The following GABPB2 variants were observed in gnomAD, a reference collection of about 807,000 sequenced individuals.
GABPB2 encodes the protein GA-binding protein subunit beta-2.
A neutral mutation model predicts 39.1 loss-of-function variants in GABPB2; 23 were observed. The observed-to-expected ratio is 0.59, with a 90% CI of 0.42 to 0.83. The LOEUF is 0.83. Ranked by LOEUF, GABPB2 falls within the 40% of genes least tolerant of loss-of-function variation. The pLI is 0.00. For missense variants in GABPB2, 467 were observed against 541.1 expected, an observed-to-expected ratio of 0.86 and a Z score of 1.36; for synonymous variants, 184 against 199.3, an observed-to-expected ratio of 0.92 and a Z score of 0.65.
intron 1 of GABPB2, among the ~76,000 whole-genome samples, chr1:151,079,999 G>C (rs956126825): frequency 6.6e-6 from 1 of 151,526 alleles, no homozygotes; most frequent in Non-Finnish European, 1.5e-5. Flanking sequence ...GGTGGATCGC[G>C]AGGTCAGGAG....
At chr1:151,084,932 C>T (rs755859679) in intron 1 of GABPB2, among the ~76,000 whole-genome samples, 1 of 151,776 alleles carries the variant, frequency 6.6e-6, no homozygotes, top group African/African-American at 2.4e-5. Flanking sequence ...TCTGTCTCTA[C>T]AAAAAATTTA....
At chr1:151,099,682 G>GGTAGT (rs1454643588) in intron 5 of GABPB2, among the ~76,000 whole-genome samples, 2 of 152,138 alleles carry the variant, frequency 1.3e-5, no homozygotes, top group African/African-American at 4.8e-5. Flanking sequence ...GATATTGAGA[G>GGTAGT]GTAGTGTGGT....
At chr1:151,093,490 C>A in intron 4 of GABPB2, 104 bp downstream of exon 4, 1 of 782,018 alleles carries the variant, frequency 1.3e-6, no homozygotes, top group Non-Finnish European at 2.0e-6. Context: ...ATTAAAGTAG[C>A]ACTTCTAATA....
rs587693075 is a variant in GABPB2 at position 151,089,514 on chromosome 1, C to T, written c.109-892C>T. Among the ~76,000 whole-genome samples, 5 of 152,258 alleles carry T rather than the reference C, an allele frequency of 3.3e-5. No individual in the cohort carries two copies. The South Asian group carries it at 6.2e-4, about 19-fold the overall frequency. ...ATACATCATTGCTAAATTTTTATTG[C>T]GTCTTCATCTCATCATTCATTTTGC... On this transcript the variant is annotated intron_variant, in intron 2 of 8. Coordinates refer to ENST00000368918, the MANE Select transcript of GABPB2 (RefSeq NM_144618.3).
chr1:151,092,667 A>G (rs587668454), intron 3 of GABPB2, among the ~76,000 whole-genome samples: 3 of 148,978 alleles, frequency 2.0e-5, no homozygotes, highest in African/African-American at 7.4e-5. Context: ...TCCACCTCCC[A>G]GGCTCAAGAG....
At chr1:151,114,428 T>C (rs1680696499) in intron 7 of GABPB2, among the ~76,000 whole-genome samples, 1 of 151,838 alleles carries the variant, frequency 6.6e-6, no homozygotes, top group Non-Finnish European at 1.5e-5. Flanking sequence ...AAATGGGAAA[T>C]AGGGCCGGGC....
chr1:151,075,926 G>A (rs1281544884), intron 1 of GABPB2, among the ~76,000 whole-genome samples: 1 of 152,072 alleles, frequency 6.6e-6, no homozygotes, highest in African/African-American at 2.4e-5. Flanking sequence ...TCCATCTTCT[G>A]TAACTTTTTC....
chr1:151,093,771 A>G (rs1448624256), intron 4 of GABPB2, among the ~76,000 whole-genome samples: 1 of 151,898 alleles, frequency 6.6e-6, no homozygotes, highest in Non-Finnish European at 1.5e-5. Flanking sequence ...GGACAATATT[A>G]AAAGTTACTT....
chr1:151,074,265 G>T (rs995595187), intron 1 of GABPB2, among the ~76,000 whole-genome samples: 2 of 148,296 alleles, frequency 1.3e-5, no homozygotes, highest in African/African-American at 5.0e-5. Context: ...GTGAGCCACC[G>T]CGCCCGGCTG....
At chr1:151,105,491 G>GTATA (rs1212319942) in intron 6 of GABPB2, among the ~76,000 whole-genome samples, 2 of 147,878 alleles carry the variant, frequency 1.4e-5, no homozygotes, top group African/African-American at 5.0e-5. Flanking sequence ...AAACATATAT[G>GTATA]TATATATATA....
rs987032313 is a variant in GABPB2 at position 151,113,124 on chromosome 1, G to C, written c.923-4268G>C. 1.5e-4 allele frequency among the ~76,000 whole-genome samples: 23 copies of C among 151,370 alleles called. 1 individual carries two copies. The highest frequency in any genetic ancestry group is 1.2e-3 in the Admixed American group (18 of 15,122). On this transcript the variant is annotated intron_variant, in intron 7 of 8. Transcript: ENST00000368918. ...AATGAGGTCTTGCTAAGCTTCCCAG[G>C]CTGGTCTCAGACTCCTAGACTCAAG... is the stretch of plus-strand genomic sequence containing the variant.
At chr1:151,078,915 G>A (rs587681714) in intron 1 of GABPB2, among the ~76,000 whole-genome samples, 28 of 151,898 alleles carry the variant, frequency 1.8e-4, no homozygotes, top group Middle Eastern at 3.4e-3. Flanking sequence ...CAAGTGACCC[G>A]CCTGCCTCTG....
chr1:151,085,878 A>G (rs1443744016), intron 1 of GABPB2, among the ~76,000 whole-genome samples: 6 of 152,278 alleles, frequency 3.9e-5, no homozygotes, highest in South Asian at 2.1e-4. Flanking sequence ...TGTAATCCCA[A>G]CACTTTGGGA....
At chr1:151,089,045 A>G (rs1230912630) in intron 2 of GABPB2, among the ~76,000 whole-genome samples, 1 of 152,152 alleles carries the variant, frequency 6.6e-6, no homozygotes, top group Non-Finnish European at 1.5e-5. Flanking sequence ...TGTTCAAAAA[A>G]CATTAAAGAG....
At chr1:151,103,708 C>A in intron 6 of GABPB2, 33 bp downstream of exon 6, 1 of 1,370,636 alleles carries the variant, frequency 7.3e-7, no homozygotes, top group Non-Finnish European at 1.0e-6. Context: ...GGTGAATCAC[C>A]ACTTTTTCTT....
intron 1 of GABPB2, among the ~76,000 whole-genome samples, chr1:151,080,227 A>AC (rs780057379): frequency 0.024 from 3,328 of 139,850 alleles, 153 homozygotes; most frequent in African/African-American, 0.078. Context: ...AAAAAAAAAA[A>AC]AAAAAAAAAA....
intron 1 of GABPB2, among the ~76,000 whole-genome samples, chr1:151,075,361 G>A (rs587633882): frequency 5.3e-5 from 8 of 150,936 alleles, no homozygotes; most frequent in Admixed American, 1.3e-4. Flanking sequence ...TCAGGAGATC[G>A]AGACCATCCT....
rs1477664203 is a variant in GABPB2, at chr1:151,097,889, G to T, written c.509G>T (p.Arg170Ile). The T allele has an allele frequency of 3.7e-6, 6 of 1,614,118 alleles. No homozygotes were observed. Among genetic ancestry groups the T allele is most frequent in the African/African-American group, 1.3e-5 (1 of 75,052 alleles). Reference sequence around the variant, plus strand: ...AATCAGGTGAATGTTAATCCAGAGAGAGCCAACCCTGTGACTGACCCTGTG... The same window carrying T: ...AATCAGGTGAATGTTAATCCAGAGATAGCCAACCCTGTGACTGACCCTGTG... ...MQNQVNVNPERANPVTDPVSM... is the reference protein window; with the variant it reads ...MQNQVNVNPEIANPVTDPVSM... The change falls in exon 5 of 9, where the codon AGA (arginine) becomes ATA (isoleucine). Residue 170 changes from arginine (R) to isoleucine (I), a missense_variant. Transcript: ENST00000368918.
intron 7 of GABPB2, among the ~76,000 whole-genome samples, chr1:151,113,825 T>C (rs1051873200): frequency 4.6e-5 from 7 of 152,182 alleles, no homozygotes; most frequent in African/African-American, 1.7e-4. Flanking sequence ...TCCTCTACTT[T>C]GTCATTTCAA....
Sources: gnomAD v4.1 joint callset for allele counts (sites outside exome capture counted in the v4.1 genomes callset) on GRCh38, gnomAD v4.1.1 for gene constraint, MANE v1.5 for transcripts, NCBI Gene and HGNC (gene_info 2026-07-23, HGNC 2026-07-21) for gene names.